Variants in NEK11 observed in about 807,000 individuals in gnomAD.
NEK11 encodes serine/threonine-protein kinase Nek11.
A neutral mutation model predicts 80.7 loss-of-function variants in NEK11; 72 were observed. The ratio of observed to expected loss-of-function variants is 0.89; its 90% CI spans 0.74 to 1.08. The LOEUF is 1.08. NEK11 is among the 50% of genes least tolerant of loss of function. NEK11 has a pLI of 0.00. For missense variants in NEK11, 764 were observed against 763.6 expected, an observed-to-expected ratio of 1.00 and a Z score of -0.01; for synonymous variants, 251 against 260.7, an observed-to-expected ratio of 0.96 and a Z score of 0.36.
At chr3:131,193,057 A>G (rs573307535) in intron 14 of NEK11, among the ~76,000 whole-genome samples, 173 of 152,340 alleles carry the variant, frequency 1.1e-3, no homozygotes, top group Admixed American at 1.9e-3. Context: ...AAAGTAAAAC[A>G]GAATTTAAAA....
At chr3:131,257,555 T>C (rs1331801319) in intron 16 of NEK11, among the ~76,000 whole-genome samples, 1 of 152,218 alleles carries the variant, frequency 6.6e-6, no homozygotes, top group Non-Finnish European at 1.5e-5. Flanking sequence ...TTGCGGTGTC[T>C]TGTGGAAACA....
intron 3 of NEK11, chr3:131,054,378 AG>A (rs2110089493): frequency 6.6e-6 from 1 of 152,222 alleles, no homozygotes; most frequent in Non-Finnish European, 1.5e-5. Flanking sequence ...TGCAGGCCTG[AG>A]AAAAAGAGAC....
rs771262504 is a variant in NEK11 at position 131,171,542 on chromosome 3, TA to T, written c.1399+661del. 3.9e-5 allele frequency among the ~76,000 whole-genome samples: 6 copies of T among 151,958 alleles called. No individual in the cohort carries two copies. The East Asian group carries it at 1.2e-3, about 29-fold the overall frequency. ...ATGGTTAAATGCATGAGTTTTGGAG[TA>T]AAAAAGTTGGCCCTATCAGAGAAGG... On this transcript the variant is annotated intron_variant, in intron 14 of 17. Transcript: ENST00000383366.
At chr3:131,103,159 T>C (rs1426884258) in intron 4 of NEK11, among the ~76,000 whole-genome samples, 1 of 152,216 alleles carries the variant, frequency 6.6e-6, no homozygotes, top group African/African-American at 2.4e-5. Context: ...ACATTCTATG[T>C]CTGTCATTTC....
chr3:131,176,180 A>C (rs116903388), intron 14 of NEK11, among the ~76,000 whole-genome samples: 1 of 152,292 alleles, frequency 6.6e-6, no homozygotes, highest in East Asian at 1.9e-4. Flanking sequence ...AGTGCTCACT[A>C]AGGCCACTGG....
chr3:131,226,050 A>G, intron 14 of NEK11, among the ~76,000 whole-genome samples: 1 of 152,160 alleles, frequency 6.6e-6, no homozygotes, highest in Non-Finnish European at 1.5e-5. Context: ...AGAATGAATA[A>G]CTGTCAAAGG....
At chr3:131,268,029 C>G (rs928593985) in intron 16 of NEK11, among the ~76,000 whole-genome samples, 3 of 152,096 alleles carry the variant, frequency 2.0e-5, no homozygotes, top group Admixed American at 2.0e-4. Context: ...AGTTCATAGT[C>G]TCTGATATCC....
At chr3:131,217,522 A>C (rs914924427) in intron 14 of NEK11, among the ~76,000 whole-genome samples, 5 of 152,162 alleles carry the variant, frequency 3.3e-5, no homozygotes, top group African/African-American at 1.2e-4. Context: ...CGTTCAAAGA[A>C]ATGTGTCCTT....
intron 14 of NEK11, among the ~76,000 whole-genome samples, chr3:131,227,930 T>A (rs2095245150): frequency 6.6e-6 from 1 of 152,150 alleles, no homozygotes; most frequent in Non-Finnish European, 1.5e-5. Flanking sequence ...AAGTGCTGAA[T>A]GTAAGGTTGA....
intron 3 of NEK11, among the ~76,000 whole-genome samples, chr3:131,074,725 G>A (rs373940028): frequency 1.3e-5 from 2 of 152,240 alleles, no homozygotes; most frequent in African/African-American, 4.8e-5. Flanking sequence ...AGTATAAAGC[G>A]GTTTGCATTT....
intron 7 of NEK11, among the ~76,000 whole-genome samples, chr3:131,137,273 A>G (rs1477393714): frequency 6.6e-6 from 1 of 152,196 alleles, no homozygotes; most frequent in Non-Finnish European, 1.5e-5. Flanking sequence ...AAGAACCAGC[A>G]CCTGCCTGAC....
chr3:131,116,719 A>C (rs1392859650), intron 5 of NEK11, among the ~76,000 whole-genome samples: 2 of 152,124 alleles, frequency 1.3e-5, no homozygotes, highest in African/African-American at 2.4e-5. Flanking sequence ...CATTTCTCTG[A>C]TGGCCAGTGA....
At chr3:131,027,137 A>G (rs13065390) in intron 1 of NEK11, 131 bp downstream of exon 1, 27,415 of 152,218 alleles carry the variant, frequency 0.18, 2,622 homozygotes, top group South Asian at 0.22. Context: ...TTTCCTGGAC[A>G]TCTTACCTCC....
intron 5 of NEK11, among the ~76,000 whole-genome samples, chr3:131,131,483 A>G (rs2084465182): frequency 6.6e-6 from 1 of 152,146 alleles, no homozygotes; most frequent in South Asian, 2.1e-4. Flanking sequence ...CTTTTAATCT[A>G]GGTTATCAAA....
intron 7 of NEK11, among the ~76,000 whole-genome samples, chr3:131,140,391 T>A (rs1245976066): frequency 1.3e-5 from 2 of 152,116 alleles, no homozygotes; most frequent in East Asian, 3.9e-4. Flanking sequence ...TGGCCAGTGA[T>A]GTGCGTGAGC....
intron 17 of NEK11, among the ~76,000 whole-genome samples, chr3:131,321,225 A>T (rs2096894266): frequency 6.6e-6 from 1 of 152,176 alleles, no homozygotes; most frequent in Admixed American, 6.5e-5. Context: ...ATTTTTGACA[A>T]AGTCTTCCAA....
intron 5 of NEK11, among the ~76,000 whole-genome samples, chr3:131,110,329 G>T (rs1202065263): frequency 1.3e-5 from 2 of 152,102 alleles, no homozygotes; most frequent in Non-Finnish European, 2.9e-5. Context: ...GAATGTGTCA[G>T]TGCACACTTA....
At chr3:131,101,693 T>C (rs375984216) in intron 4 of NEK11, among the ~76,000 whole-genome samples, 3 of 152,174 alleles carry the variant, frequency 2.0e-5, no homozygotes, top group African/African-American at 7.2e-5. Context: ...GAGAAGCATA[T>C]ATATTCTGTG....
intron 16 of NEK11, among the ~76,000 whole-genome samples, chr3:131,252,870 C>T (rs944727825): frequency 6.6e-6 from 1 of 152,084 alleles, no homozygotes; most frequent in Admixed American, 6.6e-5. Flanking sequence ...ATAATTCAAA[C>T]AGAACAATAC....
Sources: gnomAD v4.1 joint callset for allele counts (sites outside exome capture counted in the v4.1 genomes callset) on GRCh38, gnomAD v4.1.1 for gene constraint, MANE v1.5 for transcripts, NCBI Gene and HGNC (gene_info 2026-07-23, HGNC 2026-07-21) for gene names.